ACCSL: variants seen among roughly 807,000 people sequenced by gnomAD.
The protein encoded by ACCSL is probable inactive 1-aminocyclopropane-1-carboxylate synthase-like protein 2.
A neutral mutation model predicts 61.7 loss-of-function variants in ACCSL; 55 were observed. The observed-to-expected ratio is 0.89, with a 90% confidence interval of 0.72 to 1.12. The LOEUF (loss-of-function observed/expected upper bound fraction) is 1.12. Ranked by LOEUF, ACCSL falls within the 50% of genes most tolerant of loss-of-function variation. The pLI, the probability that ACCSL is intolerant of heterozygous loss-of-function variation, is 0.00. For synonymous variants in ACCSL, 258 were observed against 264.3 expected (o/e 0.98, Z 0.23); for missense variants, 632 against 698.0 (o/e 0.91, Z 1.07).
At chr11:43,948,792 A>G in the ACCSL span, among the ~76,000 whole-genome samples, 3 of 152,218 alleles carry the variant, frequency 2.0e-5, no homozygotes, top group African/African-American at 7.2e-5. Flanking sequence ...TGGCACAGCC[A>G]TGAGACTGGG....
chr11:44,022,848 T>C, the ACCSL span, among the ~76,000 whole-genome samples: 2 of 151,738 alleles, frequency 1.3e-5, no homozygotes, highest in Non-Finnish European at 2.9e-5. Context: ...TCAAGCCTTA[T>C]GAAATGAGTT....
At chr11:44,018,397 C>T in the ACCSL span, among the ~76,000 whole-genome samples, 1 of 152,250 alleles carries the variant, frequency 6.6e-6, no homozygotes, top group Non-Finnish European at 1.5e-5. Context: ...CCCAGCCCCA[C>T]TCAGGCTTAC....
At chr11:43,974,288 A>C in the ACCSL span, among the ~76,000 whole-genome samples, 1 of 151,772 alleles carries the variant, frequency 6.6e-6, no homozygotes, top group Admixed American at 6.6e-5. Flanking sequence ...GGGAAAATTC[A>C]CTCCACACCT....
chr11:43,975,842 A>G, the ACCSL span, among the ~76,000 whole-genome samples: 1 of 152,230 alleles, frequency 6.6e-6, no homozygotes, highest in Non-Finnish European at 1.5e-5. Context: ...GCCAAGAGCC[A>G]TGGAGAATCA....
intron 11 of ACCSL, among the ~76,000 whole-genome samples, chr11:44,057,406 C>T (rs965418269): frequency 1.2e-4 from 19 of 152,194 alleles, no homozygotes; most frequent in African/African-American, 4.3e-4. Context: ...CCCTAGATAT[C>T]AAGACCTTTG....
intron 5 of ACCSL, 111 bp from the exon 6 acceptor site, chr11:44,052,551 A>T: frequency 1.2e-6 from 1 of 847,124 alleles, no homozygotes; most frequent in Non-Finnish European, 2.0e-6. Context: ...GGTAGAAAGG[A>T]TCGTGAAACT....
At chr11:44,058,793 T>A in intron 13 of ACCSL, 94 bp downstream of exon 13, 1 of 1,405,748 alleles carries the variant, frequency 7.1e-7, no homozygotes, top group Non-Finnish European at 9.6e-7. Flanking sequence ...CCTATAGATC[T>A]AGCCCTTTAT....
At chr11:43,951,870 G>A in the ACCSL span, among the ~76,000 whole-genome samples, 11 of 152,084 alleles carry the variant, frequency 7.2e-5, no homozygotes, top group African/African-American at 2.2e-4. Context: ...GCATGTTGGC[G>A]CATGCCTGTA....
the ACCSL span, among the ~76,000 whole-genome samples, chr11:43,978,153 T>C: frequency 8.4e-4 from 128 of 151,872 alleles, no homozygotes; most frequent in African/African-American, 3.0e-3. Flanking sequence ...CGGATTACAG[T>C]CATCTGCCAC....
upstream of ACCSL, among the ~76,000 whole-genome samples, chr11:44,046,557 G>A (rs140197501): frequency 6.6e-6 from 1 of 152,342 alleles, no homozygotes; most frequent in African/African-American, 2.4e-5. Flanking sequence ...GTTGCAATGG[G>A]AACATCACAG....
chr11:43,921,567 G>A, the ACCSL span, among the ~76,000 whole-genome samples: 1 of 152,116 alleles, frequency 6.6e-6, no homozygotes, highest in Admixed American at 6.5e-5. Flanking sequence ...GCCAGCTTTG[G>A]TGATCAGTTT....
chr11:44,021,406 G>T, the ACCSL span, among the ~76,000 whole-genome samples: 1 of 152,054 alleles, frequency 6.6e-6, no homozygotes, highest in Non-Finnish European at 1.5e-5. Flanking sequence ...TTGGCCATTT[G>T]TATATCTTCT....
At chr11:44,006,986 C>G in the ACCSL span, among the ~76,000 whole-genome samples, 14,557 of 152,232 alleles carry the variant, frequency 0.096, 846 homozygotes, top group East Asian at 0.33. Flanking sequence ...CAAGAATCCT[C>G]GTAGGCCTAG....
chr11:44,054,878 C>T (rs1037646417), intron 8 of ACCSL, among the ~76,000 whole-genome samples: 1 of 152,164 alleles, frequency 6.6e-6, no homozygotes, highest in Non-Finnish European at 1.5e-5. Flanking sequence ...GGCTACCCAA[C>T]CTCTTCCCAT....
Position 44,050,578 on chromosome 11 carries a change from T to C in ACCSL, c.591T>C (p.Ile197=), listed in dbSNP as rs780114171. 15 of 1,614,122 alleles carry C rather than the reference T, an allele frequency of 9.3e-6. No individual in the cohort carries two copies. The East Asian group carries it at 3.3e-4, about 36-fold the overall frequency. ...ERLQESDMNC[I]EDTLLQYPDW... is the part of the protein sequence containing the mutation. ...TGCAAGAAAGTGACATGAACTGCAT[T>C]GAGGACACCTTGCTTCAGTACCCTG... is the stretch of plus-strand genomic sequence containing the variant. The change falls in exon 3 of 14, where the codon ATT becomes ATC. Residue 197 remains isoleucine (I), a synonymous_variant. Coordinates refer to ENST00000378832, the MANE Select transcript of ACCSL (RefSeq NM_001031854.2).
At chr11:43,930,418 T>G in the ACCSL span, among the ~76,000 whole-genome samples, 2 of 152,106 alleles carry the variant, frequency 1.3e-5, no homozygotes, top group Admixed American at 1.3e-4. Context: ...GTGGGAGGTG[T>G]TTGGATCATG....
chr11:43,989,347 C>A, the ACCSL span, among the ~76,000 whole-genome samples: 1 of 152,196 alleles, frequency 6.6e-6, no homozygotes, highest in Non-Finnish European at 1.5e-5. Flanking sequence ...TGCAGACAGT[C>A]GGAGCCCTCC....
At chr11:44,000,449 AG>A in the ACCSL span, among the ~76,000 whole-genome samples, 1 of 143,740 alleles carries the variant, frequency 7.0e-6, no homozygotes, top group Admixed American at 7.1e-5. Context: ...AAAAAAAAAA[AG>A]CCTGTTGCAG....
At chr11:43,972,166 G>A in the ACCSL span, among the ~76,000 whole-genome samples, 2 of 152,132 alleles carry the variant, frequency 1.3e-5, no homozygotes, top group African/African-American at 4.8e-5. Flanking sequence ...TTTCCCAAGA[G>A]TCCTGTAAGA....
Sources: gnomAD v4.1 joint callset for allele counts (sites outside exome capture counted in the v4.1 genomes callset) on GRCh38, gnomAD v4.1.1 for gene constraint, MANE v1.5 for transcripts, NCBI Gene and HGNC (gene_info 2026-07-23, HGNC 2026-07-21) for gene names.